GALNTL6: variants seen among roughly 807,000 people sequenced by gnomAD.
GALNTL6 encodes polypeptide N-acetylgalactosaminyltransferase-like 6.
In GALNTL6, 46 loss-of-function variants were observed where a neutral mutation model predicts 73.7. The observed-to-expected ratio is 0.62, with a 90% CI of 0.49 to 0.80. The LOEUF (loss-of-function observed/expected upper bound fraction) is 0.80, where lower values mean the gene tolerates loss of function less well. Among genes scored for constraint, GALNTL6 ranks in the 30% least tolerant of loss-of-function variants. The pLI, the probability that GALNTL6 is intolerant of heterozygous loss-of-function variation, is 0.00. For synonymous variants in GALNTL6, 259 were observed against 263.7 expected (o/e 0.98, Z 0.17); for missense variants, 604 against 755.0 (o/e 0.80, Z 2.34).
At chr4:172,770,455 A>G (rs1211879293) in intron 5 of GALNTL6, among the ~76,000 whole-genome samples, 1 of 152,140 alleles carries the variant, frequency 6.6e-6, no homozygotes, top group Non-Finnish European at 1.5e-5. Flanking sequence ...TTAAATGTTC[A>G]GGCTGCTATA....
At chr4:172,000,058 A>C (rs2110756620) in intron 2 of GALNTL6, among the ~76,000 whole-genome samples, 1 of 152,272 alleles carries the variant, frequency 6.6e-6, no homozygotes, top group East Asian at 1.9e-4. Flanking sequence ...GCATATACGG[A>C]GTATGAGTGT....
chr4:172,240,820 C>A (rs1737413068), intron 3 of GALNTL6, among the ~76,000 whole-genome samples: 1 of 152,060 alleles, frequency 6.6e-6, no homozygotes, highest in African/African-American at 2.4e-5. Context: ...CATTCCTATC[C>A]ATATTCTGAA....
At chr4:172,980,869 G>A (rs4695820) in intron 10 of GALNTL6, among the ~76,000 whole-genome samples, 150,380 of 152,334 alleles carry the variant, frequency 0.99, 74,254 homozygotes, top group Middle Eastern at 1. Context: ...CTCTCCCCCA[G>A]TTCCTAGTAA....
rs189618939 is a variant in GALNTL6 at position 172,510,521 on chromosome 4, G to A, written c.553+161832G>A. 2.9e-4 allele frequency among the ~76,000 whole-genome samples: 16 copies of A among 54,714 alleles called. 6 individuals carry two copies. Among genetic ancestry groups the A allele is most frequent in the African/African-American group, 6.4e-4 (14 of 22,038 alleles). 35.9% of individuals were successfully genotyped at this position (54,714 alleles called of 152,430 possible). A position where few individuals can be genotyped will look rare whatever the true frequency, so the allele number is the denominator to read the frequency against. On this transcript the variant is annotated intron_variant, in intron 5 of 12. Coordinates refer to ENST00000506823, the MANE Select transcript of GALNTL6 (RefSeq NM_001034845.3). The stretch of plus-strand genomic sequence containing the variant: ...AAGTGTGCATCCTTGTCTTGTTCCA[G>A]TTCTCATGGAGAATGCATTCAGCTT...
At chr4:172,010,118 T>C (rs778192805) in intron 2 of GALNTL6, among the ~76,000 whole-genome samples, 1 of 152,162 alleles carries the variant, frequency 6.6e-6, no homozygotes, top group African/African-American at 2.4e-5. Context: ...GTTTACTAAA[T>C]GGCAATTTTA....
rs1284966878 is a variant in GALNTL6 at position 171,885,067 on chromosome 4, A to AG, written c.138+70349_138+70350insG. Among the ~76,000 whole-genome samples the AG allele has an allele frequency of 5.8e-3, 863 of 148,646 alleles. 12 individuals are homozygous for AG. Among genetic ancestry groups the AG allele is most frequent in the African/African-American group, 0.02 (806 of 40,614 alleles). On this transcript the variant is annotated intron_variant, in intron 2 of 12. Coordinates refer to ENST00000506823, the MANE Select transcript of GALNTL6 (RefSeq NM_001034845.3). ...GTGAGACTCTACCTCAAAAAAAAAGAAAAGAAAAGAAAAAGAATGTGTTAT... is the reference window on the plus strand; with the variant it reads ...GTGAGACTCTACCTCAAAAAAAAAGAGAAAGAAAAGAAAAAGAATGTGTTAT...
intron 5 of GALNTL6, among the ~76,000 whole-genome samples, chr4:172,444,147 C>T (rs774166914): frequency 1.3e-5 from 2 of 152,148 alleles, no homozygotes; most frequent in Non-Finnish European, 2.9e-5. Context: ...TTAAGACTAA[C>T]ACACTGAATT....
At chr4:172,328,049 T>C (rs1228326216) in intron 4 of GALNTL6, among the ~76,000 whole-genome samples, 3 of 152,200 alleles carry the variant, frequency 2.0e-5, no homozygotes, top group Non-Finnish European at 4.4e-5. Flanking sequence ...TATTTAGTGC[T>C]CTTTTCAGGA....
chr4:172,069,585 A>ATATATATAACACATGTGT (rs763815611), intron 2 of GALNTL6, among the ~76,000 whole-genome samples: 12,507 of 23,424 alleles, frequency 0.53, 4,588 homozygotes, highest in Non-Finnish European at 0.79. Context: ...GTTATATATT[A>ATATATATAACACATGTGT]TATATATAAC....
chr4:171,982,353 A>T (rs368314426), intron 2 of GALNTL6, among the ~76,000 whole-genome samples: 1 of 152,134 alleles, frequency 6.6e-6, no homozygotes, highest in African/African-American at 2.4e-5. Flanking sequence ...GCTGGAGTGC[A>T]GTGGCGCGAT....
At chr4:172,345,528 A>G (rs1271532894) in intron 4 of GALNTL6, among the ~76,000 whole-genome samples, 3 of 152,220 alleles carry the variant, frequency 2.0e-5, no homozygotes, top group Non-Finnish European at 4.4e-5. Context: ...AAGTATTTCC[A>G]AGTATAACAA....
chr4:172,691,506 A>G (rs1733288022), intron 5 of GALNTL6, among the ~76,000 whole-genome samples: 1 of 152,162 alleles, frequency 6.6e-6, no homozygotes, highest in African/African-American at 2.4e-5. Context: ...GAGTACCATA[A>G]ATAATGTTAC....
intron 2 of GALNTL6, among the ~76,000 whole-genome samples, chr4:172,201,094 T>G (rs10012421): frequency 0.042 from 6,367 of 152,170 alleles, 424 homozygotes; most frequent in African/African-American, 0.14. Flanking sequence ...AACTCTTTGT[T>G]AAACACTGAA....
chr4:172,828,271 C>A (rs1378967864), intron 7 of GALNTL6, among the ~76,000 whole-genome samples: 50 of 122,326 alleles, frequency 4.1e-4, no homozygotes, highest in African/African-American at 5.4e-4. Flanking sequence ...GACTCCATCT[C>A]AAAAAAAAAA....
chr4:172,598,460 T>A (rs1737943060), intron 5 of GALNTL6, among the ~76,000 whole-genome samples: 1 of 152,090 alleles, frequency 6.6e-6, no homozygotes, highest in South Asian at 2.1e-4. Context: ...CATGCCAGGC[T>A]CTTGATTACA....
chr4:172,122,220 G>C (rs1733170696), intron 2 of GALNTL6, among the ~76,000 whole-genome samples: 1 of 151,696 alleles, frequency 6.6e-6, no homozygotes, highest in African/African-American at 2.4e-5. Flanking sequence ...TCATAGCTCA[G>C]GTTCAGTCAA....
At chr4:172,372,330 C>T (rs370219503) in intron 5 of GALNTL6, among the ~76,000 whole-genome samples, 69 of 152,190 alleles carry the variant, frequency 4.5e-4, no homozygotes, top group East Asian at 7.7e-4. Flanking sequence ...TTTGAAGCAC[C>T]GGTCCCTCAA....
Position 172,087,301 on chromosome 4 carries a change from C to T in GALNTL6, c.139-142355C>T, listed in dbSNP as rs188490944. Among the ~76,000 whole-genome samples the T allele has an allele frequency of 3.8e-3, 573 of 151,468 alleles. 5 individuals carry two copies. The highest frequency in any genetic ancestry group is 0.013 in the African/African-American group (533 of 41,160). On this transcript the variant is annotated intron_variant, in intron 2 of 12. Coordinates refer to ENST00000506823, the MANE Select transcript of GALNTL6 (RefSeq NM_001034845.3). ...TACTAAAAAATATAAAAAAATTAGCCGGGCGTGGGGGTGGGCGCCTGTAGT... is the reference window on the plus strand; with the variant it reads ...TACTAAAAAATATAAAAAAATTAGCTGGGCGTGGGGGTGGGCGCCTGTAGT...
At chr4:172,569,829 C>T (rs1422697653) in intron 5 of GALNTL6, among the ~76,000 whole-genome samples, 3 of 152,114 alleles carry the variant, frequency 2.0e-5, no homozygotes, top group Non-Finnish European at 4.4e-5. Flanking sequence ...TGATGACCCT[C>T]AGCACACTGG....
Sources: gnomAD v4.1 joint callset for allele counts (sites outside exome capture counted in the v4.1 genomes callset) on GRCh38, gnomAD v4.1.1 for gene constraint, MANE v1.5 for transcripts, NCBI Gene and HGNC (gene_info 2026-07-23, HGNC 2026-07-21) for gene names.